LSAMP: variants seen among roughly 807,000 people sequenced by gnomAD.
LSAMP encodes the protein limbic system associated membrane protein.
In LSAMP, 7 loss-of-function variants were observed where a neutral mutation model predicts 38.6. That is an observed-to-expected ratio of 0.18 (90% CI 0.10 to 0.34). LSAMP has a LOEUF of 0.34. LSAMP is among the 10% of genes least tolerant of loss of function. LSAMP has a pLI of 1.00. For synonymous variants in LSAMP, 154 were observed against 166.8 expected (o/e 0.92, Z 0.59); for missense variants, 313 against 420.0 (o/e 0.75, Z 2.23).
intron 6 of LSAMP, among the ~76,000 whole-genome samples, chr3:115,814,991 G>C (rs908941204): frequency 2.6e-5 from 4 of 152,148 alleles, no homozygotes; most frequent in African/African-American, 9.7e-5. Flanking sequence ...TTTTCTGCCA[G>C]TACAGCTTCC....
Position 116,083,673 on chromosome 3 carries a change from T to TA in LSAMP, c.388+2650dup, listed in dbSNP as rs1328378553. ...CATGGCGGATGATCATGGCAGGACATAAAAAATCAAAAGTGTCTTAGAGTC... is the reference window on the plus strand; with the variant it reads ...CATGGCGGATGATCATGGCAGGACATAAAAAAATCAAAAGTGTCTTAGAGTC... On this transcript the variant is annotated intron_variant, in intron 2 of 6. Coordinates refer to ENST00000490035, the MANE Select transcript of LSAMP (RefSeq NM_002338.5). 3.3e-5 allele frequency among the ~76,000 whole-genome samples: 5 copies of TA among 152,190 alleles called. No homozygotes were observed. The East Asian group carries it at 9.7e-4, about 29-fold the overall frequency.
At chr3:116,090,666 AC>A (rs1163545013) in intron 1 of LSAMP, among the ~76,000 whole-genome samples, 1 of 152,206 alleles carries the variant, frequency 6.6e-6, no homozygotes, top group Non-Finnish European at 1.5e-5. Context: ...AGGACAGAGT[AC>A]AAAAGAGAGA....
At chr3:116,132,143 A>G (rs1445770273) in intron 1 of LSAMP, among the ~76,000 whole-genome samples, 1 of 152,050 alleles carries the variant, frequency 6.6e-6, no homozygotes, top group Non-Finnish European at 1.5e-5. Context: ...CCCAAATTTC[A>G]AAGTCCAAGA....
intron 2 of LSAMP, among the ~76,000 whole-genome samples, chr3:116,079,266 C>A (rs1278850674): frequency 6.6e-6 from 1 of 152,198 alleles, no homozygotes; most frequent in African/African-American, 2.4e-5. Context: ...TTCGGAGATG[C>A]CTCCTCACTC....
chr3:116,065,558 A>G (rs1248795898), intron 2 of LSAMP, among the ~76,000 whole-genome samples: 2 of 152,180 alleles, frequency 1.3e-5, no homozygotes, highest in South Asian at 4.1e-4. Flanking sequence ...TAGTTTTGTT[A>G]TCATAATCCA....
chr3:116,176,810 A>G (rs1710356665), intron 1 of LSAMP, among the ~76,000 whole-genome samples: 1 of 152,214 alleles, frequency 6.6e-6, no homozygotes. Context: ...TCTGGTCTAC[A>G]TAAGTGACTT....
chr3:116,347,168 A>G (rs546208300), intron 1 of LSAMP, among the ~76,000 whole-genome samples: 31 of 152,274 alleles, frequency 2.0e-4, no homozygotes, highest in African/African-American at 7.5e-4. Flanking sequence ...ATACTTTTAT[A>G]CTTAAATAAA....
intron 1 of LSAMP, among the ~76,000 whole-genome samples, chr3:116,102,785 A>G (rs77753418): frequency 6.2e-4 from 94 of 151,804 alleles, no homozygotes; most frequent in African/African-American, 2.1e-3. Flanking sequence ...CTATCTATCT[A>G]TCTGTCTGTC....
intron 3 of LSAMP, among the ~76,000 whole-genome samples, chr3:115,859,660 C>T (rs1305280984): frequency 3.3e-5 from 5 of 152,246 alleles, no homozygotes; most frequent in Non-Finnish European, 7.3e-5. Context: ...AGATTCACAA[C>T]TGGCTTTGGC....
At chr3:116,000,670 T>G (rs1939964690) in intron 3 of LSAMP, among the ~76,000 whole-genome samples, 1 of 152,204 alleles carries the variant, frequency 6.6e-6, no homozygotes, top group Admixed American at 6.5e-5. Flanking sequence ...AAAGACGATA[T>G]TGGCTCTTCC....
At chr3:116,050,260 TGG>T (rs1204576326) in intron 2 of LSAMP, among the ~76,000 whole-genome samples, 3 of 152,230 alleles carry the variant, frequency 2.0e-5, no homozygotes, top group Middle Eastern at 3.4e-3. Context: ...CTCTAGCTCC[TGG>T]TAACCACTCC....
chr3:116,060,529 G>A (rs2107747171), intron 2 of LSAMP, among the ~76,000 whole-genome samples: 1 of 152,348 alleles, frequency 6.6e-6, no homozygotes, highest in East Asian at 1.9e-4. Flanking sequence ...GGGAGGCTGA[G>A]GCGGGTGGAT....
chr3:116,153,665 CACTTT>C (rs763359916), intron 1 of LSAMP, among the ~76,000 whole-genome samples: 5 of 151,980 alleles, frequency 3.3e-5, no homozygotes, highest in Middle Eastern at 3.2e-3. Context: ...GGGCACGAAA[CACTTT>C]ACTTAGAAAT....
At chr3:116,212,377 G>T (rs1210337992) in intron 1 of LSAMP, among the ~76,000 whole-genome samples, 2 of 152,090 alleles carry the variant, frequency 1.3e-5, no homozygotes, top group Admixed American at 1.3e-4. Context: ...TCCTGATAAA[G>T]ATCAGATTAA....
chr3:115,945,613 C>T (rs950868319), intron 3 of LSAMP, among the ~76,000 whole-genome samples: 1 of 152,102 alleles, frequency 6.6e-6, no homozygotes, highest in African/African-American at 2.4e-5. Flanking sequence ...AACAGAATGA[C>T]CAGTGACATT....
intron 3 of LSAMP, among the ~76,000 whole-genome samples, chr3:115,943,253 T>C (rs1368713799): frequency 6.6e-6 from 1 of 152,104 alleles, no homozygotes; most frequent in Non-Finnish European, 1.5e-5. Flanking sequence ...TGGGCTGAGT[T>C]ACTTTATGGG....
At chr3:115,962,447 C>T (rs1262227418) in intron 3 of LSAMP, among the ~76,000 whole-genome samples, 2 of 152,194 alleles carry the variant, frequency 1.3e-5, no homozygotes, top group South Asian at 2.1e-4. Context: ...GTGAAGAGTG[C>T]TCTGACCTTG....
rs767314515 is a variant in LSAMP at position 115,970,190 on chromosome 3, A to C, written c.514+49325T>G. Among the ~76,000 whole-genome samples the C allele has an allele frequency of 7.0e-4, 106 of 152,190 alleles. 1 individual carries two copies. Among genetic ancestry groups the C allele is most frequent in the Non-Finnish European group, 2.5e-4 (17 of 68,000 alleles). ...AGAAAATAATAAGACCATCCTAAAGAATTTATTTTTTCTTTTCCCCAGAAG... is the reference window on the plus strand; with the variant it reads ...AGAAAATAATAAGACCATCCTAAAGCATTTATTTTTTCTTTTCCCCAGAAG... On this transcript the variant is annotated intron_variant, in intron 3 of 6. Coordinates refer to ENST00000490035, the MANE Select transcript of LSAMP (RefSeq NM_002338.5).
intron 1 of LSAMP, among the ~76,000 whole-genome samples, chr3:116,331,124 G>C (rs922757267): frequency 2.0e-5 from 3 of 151,926 alleles, no homozygotes; most frequent in African/African-American, 4.8e-5. Context: ...AAAATTACAA[G>C]AGAAATTCAA....
Sources: gnomAD v4.1 joint callset for allele counts (sites outside exome capture counted in the v4.1 genomes callset) on GRCh38, gnomAD v4.1.1 for gene constraint, MANE v1.5 for transcripts, NCBI Gene and HGNC (gene_info 2026-07-23, HGNC 2026-07-21) for gene names.